The following EXOC6B variants were observed in gnomAD, a reference collection of about 807,000 sequenced individuals.
EXOC6B encodes SEC15 homolog B.
Under a neutral mutation model 113.5 loss-of-function variants are expected in EXOC6B, and 54 were observed. The ratio of observed to expected loss-of-function variants is 0.48; its 90% confidence interval spans 0.38 to 0.60. The LOEUF (loss-of-function observed/expected upper bound fraction) is 0.60. Ranked by LOEUF, EXOC6B falls within the 20% of genes least tolerant of loss-of-function variation. EXOC6B has a pLI of 0.00. For missense variants in EXOC6B, 797 were observed against 977.5 expected, an observed-to-expected ratio of 0.82 and a Z score of 2.46; for synonymous variants, 357 against 339.0, an observed-to-expected ratio of 1.05 and a Z score of -0.58.
chr2:72,493,892 C>A (rs555923324), intron 15 of EXOC6B, among the ~76,000 whole-genome samples: 1 of 152,018 alleles, frequency 6.6e-6, no homozygotes, highest in Non-Finnish European at 1.5e-5. Context: ...TGAGAGCCTG[C>A]ATGTAAAAGA....
chr2:72,536,484 T>C (rs1224699384), intron 8 of EXOC6B, among the ~76,000 whole-genome samples: 1 of 152,250 alleles, frequency 6.6e-6, no homozygotes, highest in Non-Finnish European at 1.5e-5. Context: ...AATTTTTAAA[T>C]ATCTTACCAT....
At chr2:72,233,396 C>A (rs1282091073) in intron 20 of EXOC6B, among the ~76,000 whole-genome samples, 1 of 152,084 alleles carries the variant, frequency 6.6e-6, no homozygotes. Flanking sequence ...TGAAGCTGGG[C>A]CCCAGCCTGT....
intron 20 of EXOC6B, among the ~76,000 whole-genome samples, chr2:72,268,632 G>A (rs981441530): frequency 3.9e-5 from 6 of 152,142 alleles, no homozygotes; most frequent in African/African-American, 1.4e-4. Context: ...CAATGTAGGA[G>A]GTAGGGACTG....
intron 6 of EXOC6B, among the ~76,000 whole-genome samples, chr2:72,669,616 C>T (rs998202280): frequency 6.6e-6 from 1 of 152,190 alleles, no homozygotes; most frequent in African/African-American, 2.4e-5. Context: ...CCATAATCCA[C>T]CATTTTTAAA....
chr2:72,214,904 T>C (rs1014282854), intron 20 of EXOC6B, among the ~76,000 whole-genome samples: 2 of 152,182 alleles, frequency 1.3e-5, no homozygotes, highest in Admixed American at 6.5e-5. Flanking sequence ...TCATTGTTAA[T>C]GGGAGACAGG....
intron 20 of EXOC6B, among the ~76,000 whole-genome samples, chr2:72,190,141 C>T (rs1290678867): frequency 6.6e-6 from 1 of 151,850 alleles, no homozygotes; most frequent in Non-Finnish European, 1.5e-5. Flanking sequence ...AGTAATCCTC[C>T]CACCTTCACC....
At chr2:72,666,918 A>G (rs1458182424) in intron 6 of EXOC6B, among the ~76,000 whole-genome samples, 1 of 151,714 alleles carries the variant, frequency 6.6e-6, no homozygotes. Context: ...GCTGGAGTGC[A>G]ATGGCGCCAT....
intron 6 of EXOC6B, among the ~76,000 whole-genome samples, chr2:72,651,497 G>A (rs1674160330): frequency 6.6e-6 from 1 of 152,196 alleles, no homozygotes; most frequent in Non-Finnish European, 1.5e-5. Context: ...ATTAGTAAAA[G>A]ATGTTATTAG....
intron 6 of EXOC6B, among the ~76,000 whole-genome samples, chr2:72,585,760 C>A (rs1048168133): frequency 6.6e-6 from 1 of 151,940 alleles, no homozygotes; most frequent in South Asian, 2.1e-4. Context: ...GATAGTGAAA[C>A]CCTGCTAGAC....
In EXOC6B at chr2:72,559,472, A is replaced by G; in HGVS notation, c.896T>C (p.Leu299Pro). Residue 299 changes from leucine (L) to proline (P), a missense_variant, in exon 8 of 22, where the codon CTA becomes CCA. By Grantham distance (98) the Leu-to-Pro change is moderately conservative. Transcript: ENST00000272427. Reference protein sequence around the residue: ...LVDFSPVYRCLHIYSVLGARE... With the variant: ...LVDFSPVYRCPHIYSVLGARE... ...ACTCACCAGGACAGAATATATATGT[A>G]GACATCGATAAACTGGAGAGAAATC... 6.2e-7 allele frequency: 1 copy of G among 1,612,636 alleles called. No individual in the cohort carries two copies.
At chr2:72,415,910 G>A (rs1370918210) in intron 18 of EXOC6B, among the ~76,000 whole-genome samples, 2 of 152,198 alleles carry the variant, frequency 1.3e-5, no homozygotes, top group Non-Finnish European at 2.9e-5. Context: ...TTCTAGAGAT[G>A]AATACACAAA....
chr2:72,722,399 T>C (rs1184610932), intron 5 of EXOC6B, among the ~76,000 whole-genome samples: 1 of 152,200 alleles, frequency 6.6e-6, no homozygotes, highest in Non-Finnish European at 1.5e-5. Flanking sequence ...AAACTCTTCT[T>C]GCTCTAATGA....
At chr2:72,548,013 C>G (rs1703002256) in intron 8 of EXOC6B, among the ~76,000 whole-genome samples, 1 of 152,076 alleles carries the variant, frequency 6.6e-6, no homozygotes, top group African/African-American at 2.4e-5. Flanking sequence ...TTAAATGATT[C>G]CATAAAATAC....
At chr2:72,240,297 A>T (rs889358755) in intron 20 of EXOC6B, among the ~76,000 whole-genome samples, 7 of 152,200 alleles carry the variant, frequency 4.6e-5, no homozygotes, top group African/African-American at 1.7e-4. Flanking sequence ...AGTTTTCGAA[A>T]GGTTTAATGC....
intron 6 of EXOC6B, among the ~76,000 whole-genome samples, chr2:72,643,834 TA>T (rs1352866037): frequency 7.0e-6 from 1 of 143,204 alleles, no homozygotes. Flanking sequence ...AATAAATAAA[TA>T]AAAAAGAAAT....
chr2:72,518,075 G>A (rs1288654886), intron 8 of EXOC6B, among the ~76,000 whole-genome samples: 1 of 152,134 alleles, frequency 6.6e-6, no homozygotes, highest in Non-Finnish European at 1.5e-5. Context: ...AATTTGAGAC[G>A]TAGATGTTTG....
At chr2:72,514,923 GT>G in intron 9 of EXOC6B, 119 bp downstream of exon 9, 1 of 932,522 alleles carries the variant, frequency 1.1e-6, no homozygotes, top group Admixed American at 2.4e-5. Context: ...ACCAAAAGTG[GT>G]CTCAGAATGA....
chr2:72,626,742 C>A (rs1263064885), intron 6 of EXOC6B, among the ~76,000 whole-genome samples: 2 of 152,072 alleles, frequency 1.3e-5, no homozygotes, highest in Admixed American at 1.3e-4. Flanking sequence ...TTAAACACTG[C>A]CAAGTATGAG....
intron 6 of EXOC6B, among the ~76,000 whole-genome samples, chr2:72,683,391 G>T (rs1380732732): frequency 6.6e-6 from 1 of 151,984 alleles, no homozygotes; most frequent in African/African-American, 2.4e-5. Flanking sequence ...AAAATGATTT[G>T]GTAGATCTAT....
Sources: allele counts gnomAD v4.1 joint callset (sites outside exome capture counted in the v4.1 genomes callset), GRCh38; gene constraint gnomAD v4.1.1; transcripts MANE v1.5; gene names NCBI Gene and HGNC (gene_info 2026-07-23, HGNC 2026-07-21).